The following CELF2 variants were observed in gnomAD, a reference collection of about 807,000 sequenced individuals.
CELF2 encodes CUGBP Elav-like family member 2, also known as CUG triplet repeat RNA-binding protein 2.
In CELF2, 8 loss-of-function variants were observed where a neutral mutation model predicts 62.6. That is an observed-to-expected ratio of 0.13 (90% CI 0.07 to 0.23). CELF2 has a LOEUF of 0.23. Among genes scored for constraint, CELF2 ranks in the 10% least tolerant of loss-of-function variants. The pLI is 1.00. For synonymous variants in CELF2, 258 were observed against 250.0 expected (o/e 1.03, Z -0.30); for missense variants, 333 against 671.0 (o/e 0.50, Z 5.56).
the CELF2 span, among the ~76,000 whole-genome samples, chr10:10,695,799 C>T: frequency 6.6e-5 from 10 of 152,016 alleles, no homozygotes; most frequent in South Asian, 2.1e-4. Context: ...TTGATCGCAT[C>T]GGCTCCTGAG....
Position 11,280,101 on chromosome 10 carries a change from G to C in CELF2, c.841+4981G>C, listed in dbSNP as rs1253371529. Among the ~76,000 whole-genome samples, 3 of 152,162 alleles carry C rather than the reference G, an allele frequency of 2.0e-5. No homozygotes were observed. The highest frequency in any genetic ancestry group is 7.2e-5 in the African/African-American group (3 of 41,434). Reference sequence around the variant, plus strand: ...GAGCGTGTGGGATAAAGTGTGACTTGGGGTGCAGACTGAGGAGGCGCCTGG... The same window carrying C: ...GAGCGTGTGGGATAAAGTGTGACTTCGGGTGCAGACTGAGGAGGCGCCTGG... On this transcript the variant is annotated intron_variant, in intron 8 of 12. Transcript: ENST00000633077. The surrounding 1 kb of genome is among the most constrained non-coding windows in gnomAD (Gnocchi z 7.6).
chr10:11,012,002 C>T lies in CELF2; in HGVS notation c.53+6562C>T, dbSNP rs2056543968. Among the ~76,000 whole-genome samples the T allele has an allele frequency of 2.0e-5, 3 of 152,208 alleles. No individual in the cohort carries two copies. The highest frequency in any genetic ancestry group is 2.0e-4 in the Admixed American group (3 of 15,278). ...ATAATTAGGTTAACACATTGTACTT[C>T]TTATCTGAGGATCATGGTAGGCTTT... On this transcript the variant is annotated intron_variant, in intron 1 of 12. Coordinates refer to the CELF2 transcript ENST00000416382. The surrounding 1 kb of genome is among the most constrained non-coding windows in gnomAD (Gnocchi z 5.5).
At chr10:11,151,795 G>A (rs755095677) in intron 1 of CELF2, among the ~76,000 whole-genome samples, 41 of 152,088 alleles carry the variant, frequency 2.7e-4, no homozygotes, top group Non-Finnish European at 4.6e-4. Flanking sequence ...AGGAAACATA[G>A]AATATTCTTT....
At position 10,808,191 on chromosome 10, in the gene CELF2, C is replaced by A. The variant is rs1401225314; in HGVS notation, c.53+9374C>A. Among the ~76,000 whole-genome samples the A allele has an allele frequency of 2.0e-5, 3 of 152,274 alleles. No homozygotes were observed. In the East Asian group the frequency reaches 5.8e-4, roughly 29 times the overall value. ...TTGCTGGAATTATGACTGACGACAT[C>A]ACACTATTGTTGTCTAATATCAGGC... is the stretch of plus-strand genomic sequence containing the variant. On this transcript the variant is annotated intron_variant, in intron 1 of 13. Coordinates refer to the CELF2 transcript ENST00000636488.
intron 2 of CELF2, among the ~76,000 whole-genome samples, chr10:10,958,303 C>A (rs1015494360): frequency 1.3e-5 from 2 of 152,186 alleles, no homozygotes; most frequent in Non-Finnish European, 2.9e-5. Flanking sequence ...TCCTGTGCGT[C>A]CCAATTCATC....
the CELF2 span, among the ~76,000 whole-genome samples, chr10:10,732,625 G>A: frequency 6.7e-6 from 1 of 150,344 alleles, no homozygotes; most frequent in Non-Finnish European, 1.5e-5. Context: ...CCGGGTTCAA[G>A]CGCTTCTCCT....
At chr10:10,521,009 A>G in the CELF2 span, among the ~76,000 whole-genome samples, 1 of 152,178 alleles carries the variant, frequency 6.6e-6, no homozygotes, top group African/African-American at 2.4e-5. Flanking sequence ...AGCTTATGAA[A>G]TGCAAGTCCC....
intron 2 of CELF2, among the ~76,000 whole-genome samples, chr10:11,212,951 G>A (rs965946493): frequency 1.3e-5 from 2 of 152,110 alleles, no homozygotes; most frequent in African/African-American, 2.4e-5. Flanking sequence ...ATTAGATAGT[G>A]TCAAATGAGC....
chr10:10,788,659 C>T, the CELF2 span, among the ~76,000 whole-genome samples: 6 of 151,656 alleles, frequency 4.0e-5, no homozygotes, highest in East Asian at 7.8e-4. Flanking sequence ...GATGGGGTTT[C>T]GCCACATTGG....
At chr10:10,952,090 T>C (rs547612631) in intron 2 of CELF2, 1 of 152,370 alleles carries the variant, frequency 6.6e-6, no homozygotes, top group African/African-American at 2.4e-5. Flanking sequence ...CCCTGAGTCA[T>C]TGACTGAAGC....
At chr10:10,923,280 G>T (rs1322937871) in intron 2 of CELF2, among the ~76,000 whole-genome samples, 1 of 152,208 alleles carries the variant, frequency 6.6e-6, no homozygotes, top group Non-Finnish European at 1.5e-5. Context: ...GTGATATGTG[G>T]CTGGGAAGGA....
chr10:10,668,270 G>T, the CELF2 span, among the ~76,000 whole-genome samples: 1 of 152,076 alleles, frequency 6.6e-6, no homozygotes, highest in Non-Finnish European at 1.5e-5. Context: ...ATTCTCCTCA[G>T]GTCCCCTTTT....
intron 2 of CELF2, among the ~76,000 whole-genome samples, chr10:10,987,468 A>C (rs186998279): frequency 1.8e-4 from 28 of 152,302 alleles, no homozygotes; most frequent in Non-Finnish European, 3.5e-4. Flanking sequence ...ACTTTAAAAT[A>C]TCGAGATATA....
the CELF2 span, among the ~76,000 whole-genome samples, chr10:10,630,360 C>G: frequency 6.6e-6 from 1 of 152,114 alleles, no homozygotes; most frequent in Non-Finnish European, 1.5e-5. Context: ...GGGGGTTGTG[C>G]TAAGTCTTAG....
chr10:10,644,377 A>G, the CELF2 span, among the ~76,000 whole-genome samples: 1 of 149,308 alleles, frequency 6.7e-6, no homozygotes, highest in Non-Finnish European at 1.5e-5. Flanking sequence ...TTTAGATTCA[A>G]TTAGGAAACT....
At chr10:10,855,674 A>T (rs996669598) in intron 1 of CELF2, among the ~76,000 whole-genome samples, 1 of 152,206 alleles carries the variant, frequency 6.6e-6, no homozygotes, top group Admixed American at 6.5e-5. Context: ...AACTTAAACC[A>T]ATTTTTTCTC....
intron 4 of CELF2, among the ~76,000 whole-genome samples, chr10:11,251,029 G>A (rs1458761016): frequency 6.6e-6 from 1 of 152,122 alleles, no homozygotes; most frequent in Non-Finnish European, 1.5e-5. Flanking sequence ...TGTATTTTGG[G>A]ATGAATCCTG....
At chr10:10,954,176 G>T (rs2048624404) in intron 2 of CELF2, among the ~76,000 whole-genome samples, 2 of 150,128 alleles carry the variant, frequency 1.3e-5, no homozygotes, top group Admixed American at 6.6e-5. Flanking sequence ...AGCATAAATT[G>T]GTACAAAATC....
rs191994098 is a variant in CELF2 at position 11,129,415 on chromosome 10, C to G, written c.75-36071C>G. Among the ~76,000 whole-genome samples the G allele has an allele frequency of 3.3e-5, 5 of 152,282 alleles. No homozygotes were observed. The East Asian group carries it at 9.6e-4, about 29-fold the overall frequency. On this transcript the variant is annotated intron_variant, in intron 1 of 12. Coordinates refer to ENST00000633077, the MANE Select transcript of CELF2 (RefSeq NM_001326342.2). ...CATAAAATGAGTTAGGGAGGATTCC[C>G]TCTTTTTCTATTGATTGGAATAGTT...
Sources: gnomAD v4.1 joint callset for allele counts (sites outside exome capture counted in the v4.1 genomes callset) on GRCh38, gnomAD v4.1.1 for gene constraint, Gnocchi (gnomAD v3.1) non-coding constraint, MANE v1.5 for transcripts, NCBI Gene and HGNC (gene_info 2026-07-23, HGNC 2026-07-21) for gene names.